Variants in LINGO2 observed in about 807,000 individuals in gnomAD.
The protein encoded by LINGO2 is leucine-rich repeat and immunoglobulin-like domain-containing nogo receptor-interacting protein 2.
LINGO2 carries 14 observed loss-of-function variants against 30.6 expected under a neutral mutation model. That is an observed-to-expected ratio of 0.46 (90% CI 0.30 to 0.72). The LOEUF (loss-of-function observed/expected upper bound fraction) is 0.72, where lower values mean the gene tolerates loss of function less well. Ranked by LOEUF, LINGO2 falls within the 30% of genes least tolerant of loss-of-function variation. The probability of loss-of-function intolerance (pLI) is 0.07; values close to 1 mark genes in which losing one functional copy is unlikely to be tolerated. For synonymous variants in LINGO2, 317 were observed against 288.5 expected, an observed-to-expected ratio of 1.10 and a Z score of -1.00; for missense variants, 729 against 751.7, an observed-to-expected ratio of 0.97 and a Z score of 0.35.
chr9:28,681,157 A>G, the LINGO2 span, among the ~76,000 whole-genome samples: 2 of 151,986 alleles, frequency 1.3e-5, no homozygotes, highest in Non-Finnish European at 2.9e-5. Context: ...TCTTGCATGC[A>G]GTTAGTTCCC....
chr9:28,381,292 G>A (rs1050489575), intron 2 of LINGO2, among the ~76,000 whole-genome samples: 1 of 152,084 alleles, frequency 6.6e-6, no homozygotes, highest in Non-Finnish European at 1.5e-5. Flanking sequence ...GGTAGAAATA[G>A]GGAAAAGCTG....
In LINGO2 at chr9:28,479,911, GTATATATATATATATATA is replaced by G. The variant is rs58972403; in HGVS notation, c.-364-3904_-364-3887del. On this transcript the variant is annotated intron_variant, in intron 1 of 5. Coordinates refer to ENST00000379992, the Ensembl canonical transcript of LINGO2. Reference sequence around the variant, plus strand: ...TGTGTGTATGTGTATATATACGTAGGTATATATATATATATATATATATATATATATATATATATATAT... The same window carrying G: ...TGTGTGTATGTGTATATATACGTAGGTATATATATATATATATATATATAT... 6.9e-3 allele frequency among the ~76,000 whole-genome samples: 345 copies of G among 49,776 alleles called. 10 individuals carry two copies. The highest frequency in any genetic ancestry group is 0.017 in the East Asian group (28 of 1,624). 32.7% of individuals were successfully genotyped at this position (49,776 alleles called of 152,430 possible).
chr9:28,392,634 AC>A (rs1821885758), intron 2 of LINGO2, among the ~76,000 whole-genome samples: 1 of 151,886 alleles, frequency 6.6e-6, no homozygotes. Flanking sequence ...AGTTCCCCCT[AC>A]CCTTCCGGAG....
the LINGO2 span, among the ~76,000 whole-genome samples, chr9:28,842,517 G>A: frequency 6.6e-6 from 1 of 151,916 alleles, no homozygotes; most frequent in Non-Finnish European, 1.5e-5. Context: ...AGATCTTAAA[G>A]TCAAGGAGAA....
chr9:28,288,886 A>G (rs1055923398), intron 4 of LINGO2, among the ~76,000 whole-genome samples: 1 of 152,208 alleles, frequency 6.6e-6, no homozygotes, highest in African/African-American at 2.4e-5. Context: ...CACCTTGGGG[A>G]AAGCATAGCC....
intron 3 of LINGO2, among the ~76,000 whole-genome samples, chr9:28,348,880 C>A (rs1243827204): frequency 6.6e-6 from 1 of 152,036 alleles, no homozygotes; most frequent in Admixed American, 6.6e-5. Flanking sequence ...CACCCCCCAC[C>A]AGGGGCACAC....
the LINGO2 span, among the ~76,000 whole-genome samples, chr9:28,897,554 A>G: frequency 7.2e-5 from 11 of 152,158 alleles, no homozygotes; most frequent in Non-Finnish European, 1.3e-4. Flanking sequence ...TGTTTGTTTT[A>G]CCAGTAAGGA....
chr9:28,214,035 AATTAATCAAAAAAATAT>A (rs2133869650), intron 4 of LINGO2, among the ~76,000 whole-genome samples: 1 of 151,704 alleles, frequency 6.6e-6, no homozygotes, highest in Non-Finnish European at 1.5e-5. Flanking sequence ...GATATGAGGA[AATTAATCAAAAAAATAT>A]ATTTTCCTAC....
chr9:28,773,619 T>C, the LINGO2 span, among the ~76,000 whole-genome samples: 1 of 152,176 alleles, frequency 6.6e-6, no homozygotes, highest in Admixed American at 6.5e-5. Flanking sequence ...TTTAGGTTTA[T>C]CTATTATTCA....
At chr9:28,010,960 A>G (rs1203163198) in intron 5 of LINGO2, among the ~76,000 whole-genome samples, 1 of 152,186 alleles carries the variant, frequency 6.6e-6, no homozygotes, top group African/African-American at 2.4e-5. Flanking sequence ...TCTAAAATAA[A>G]ATAAATCCAA....
chr9:28,334,679 A>G (rs1587484860), intron 3 of LINGO2, among the ~76,000 whole-genome samples: 1 of 152,166 alleles, frequency 6.6e-6, no homozygotes, highest in African/African-American at 2.4e-5. Flanking sequence ...TACTGGAACC[A>G]TGAAACAGTG....
chr9:28,045,989 C>CA (rs1477423988), intron 4 of LINGO2, among the ~76,000 whole-genome samples: 1 of 152,096 alleles, frequency 6.6e-6, no homozygotes, highest in African/African-American at 2.4e-5. Context: ...GTCCCTTTGG[C>CA]AAAAAGTTTA....
At chr9:28,342,949 C>G (rs1460394544) in intron 3 of LINGO2, among the ~76,000 whole-genome samples, 1 of 152,114 alleles carries the variant, frequency 6.6e-6, no homozygotes, top group Non-Finnish European at 1.5e-5. Context: ...GTGGCTTTAT[C>G]ATGAGACATT....
chr9:28,263,796 C>A (rs1822650060), intron 4 of LINGO2, among the ~76,000 whole-genome samples: 1 of 151,884 alleles, frequency 6.6e-6, no homozygotes, highest in Admixed American at 6.6e-5. Flanking sequence ...GTACCCAATT[C>A]TTAATGAACA....
intron 1 of LINGO2, among the ~76,000 whole-genome samples, chr9:28,588,879 A>C (rs575616789): frequency 6.6e-6 from 1 of 152,032 alleles, no homozygotes; most frequent in Non-Finnish European, 1.5e-5. Flanking sequence ...CCTTCCTTCT[A>C]CCAGAAAGCC....
intron 4 of LINGO2, among the ~76,000 whole-genome samples, chr9:28,275,606 T>A (rs1223501764): frequency 6.6e-6 from 1 of 152,214 alleles, no homozygotes; most frequent in Admixed American, 6.5e-5. Flanking sequence ...AGGCATATTA[T>A]CTCTTACAGC....
the LINGO2 span, among the ~76,000 whole-genome samples, chr9:28,973,103 G>C: frequency 5.9e-5 from 9 of 152,094 alleles, no homozygotes; most frequent in African/African-American, 1.9e-4. Flanking sequence ...CAAGGACATA[G>C]GGGTAGAATG....
intron 2 of LINGO2, among the ~76,000 whole-genome samples, chr9:28,384,067 A>G (rs1001298276): frequency 6.6e-5 from 10 of 152,002 alleles, no homozygotes; most frequent in Non-Finnish European, 2.9e-5. Flanking sequence ...ACATCTATAA[A>G]TATTATATTA....
chr9:28,990,715 G>A, the LINGO2 span, among the ~76,000 whole-genome samples: 2 of 151,822 alleles, frequency 1.3e-5, no homozygotes, highest in African/African-American at 2.4e-5. Flanking sequence ...CCGCTGTTCT[G>A]CAGCCACCAC....
Sources: gnomAD v4.1 joint callset for allele counts (sites outside exome capture counted in the v4.1 genomes callset) on GRCh38, gnomAD v4.1.1 for gene constraint, MANE v1.5 for transcripts, NCBI Gene and HGNC (gene_info 2026-07-23, HGNC 2026-07-21) for gene names.